RIN3: variants seen among roughly 807,000 people sequenced by gnomAD.
RIN3 encodes RAB5 interacting protein 3.
RIN3 carries 54 observed loss-of-function variants against 76.3 expected under a neutral mutation model. That is an observed-to-expected ratio of 0.71 (90% confidence interval 0.57 to 0.89). The LOEUF (loss-of-function observed/expected upper bound fraction) is 0.89, where lower values mean the gene tolerates loss of function less well. Ranked by LOEUF, RIN3 falls within the 40% of genes least tolerant of loss-of-function variation. The probability of loss-of-function intolerance (pLI) is 0.00; values close to 1 mark genes in which losing one functional copy is unlikely to be tolerated. For missense variants in RIN3, 1,256 were observed against 1,322.1 expected, an observed-to-expected ratio of 0.95 and a Z score of 0.78; for synonymous variants, 576 against 564.0, an observed-to-expected ratio of 1.02 and a Z score of -0.30.
At chr14:92,605,323 G>A (rs1042598046) in intron 3 of RIN3, among the ~76,000 whole-genome samples, 7 of 152,178 alleles carry the variant, frequency 4.6e-5, no homozygotes, top group African/African-American at 1.7e-4. Flanking sequence ...CCCTTCAAAT[G>A]GGGGTCAGAA....
intron 7 of RIN3, among the ~76,000 whole-genome samples, chr14:92,663,815 C>T (rs959477543): frequency 1.3e-5 from 2 of 152,180 alleles, no homozygotes; most frequent in African/African-American, 2.4e-5. Flanking sequence ...ACATTAATCT[C>T]CCTGGACCTT....
intron 4 of RIN3, among the ~76,000 whole-genome samples, chr14:92,633,855 TG>T (rs1555389920): frequency 0.14 from 9,441 of 66,116 alleles, 402 homozygotes; most frequent in Non-Finnish European, 0.19. Context: ...TTTGTTTTAG[TG>T]GTGTGTGTGT....
intron 5 of RIN3, among the ~76,000 whole-genome samples, chr14:92,650,104 G>A (rs1384440919): frequency 6.6e-6 from 1 of 152,224 alleles, no homozygotes; most frequent in Non-Finnish European, 1.5e-5. Context: ...AACATCAAGA[G>A]CCTGTTGTGT....
rs180800134 is a variant in RIN3 at position 92,576,678 on chromosome 14, C to T, written c.250-682C>T. ...TCATCACACCAGCTGGAGGAGGGGA[C>T]GTCCTGTTATAATCAGAGAGTACCT... On this transcript the variant is annotated intron_variant, in intron 2 of 9. Coordinates refer to ENST00000216487, the MANE Select transcript of RIN3 (RefSeq NM_024832.5). Among the ~76,000 whole-genome samples, 16 of 152,240 alleles carry T rather than the reference C, an allele frequency of 1.1e-4. 1 individual carries two copies. The highest frequency in any genetic ancestry group is 1.3e-4 in the Non-Finnish European group (9 of 68,016).
At chr14:92,582,812 TA>T (rs1839611327) in intron 3 of RIN3, among the ~76,000 whole-genome samples, 2 of 152,164 alleles carry the variant, frequency 1.3e-5, no homozygotes, top group African/African-American at 4.8e-5. Flanking sequence ...GGTCAGCCAC[TA>T]GCATGCACCC....
At chr14:92,564,775 C>A (rs960595340) in intron 2 of RIN3, among the ~76,000 whole-genome samples, 1 of 152,114 alleles carries the variant, frequency 6.6e-6, no homozygotes, top group Non-Finnish European at 1.5e-5. Context: ...TCTGAGGGTC[C>A]CTAATGCAAT....
chr14:92,596,800 A>G (rs779422941), intron 3 of RIN3, among the ~76,000 whole-genome samples: 14 of 152,134 alleles, frequency 9.2e-5, no homozygotes, highest in Non-Finnish European at 1.8e-4. Flanking sequence ...GGGTCACTCA[A>G]CTTCCAGGTC....
At chr14:92,587,617 C>A (rs1371331370) in intron 3 of RIN3, among the ~76,000 whole-genome samples, 3 of 151,562 alleles carry the variant, frequency 2.0e-5, no homozygotes, top group Non-Finnish European at 4.4e-5. Context: ...CCTTCAGGGG[C>A]CTTGCAGCTT....
intron 1 of RIN3, among the ~76,000 whole-genome samples, chr14:92,527,699 C>A (rs59378977): frequency 0.075 from 11,339 of 152,114 alleles, 1,419 homozygotes; most frequent in African/African-American, 0.26. Context: ...CCCCGCGTTT[C>A]TGCTTCGTCC....
At chr14:92,606,503 C>T (rs187002894) in intron 3 of RIN3, among the ~76,000 whole-genome samples, 8 of 152,100 alleles carry the variant, frequency 5.3e-5, no homozygotes, top group African/African-American at 9.7e-5. Context: ...CATGATCACA[C>T]CACTGCATTC....
intron 3 of RIN3, among the ~76,000 whole-genome samples, chr14:92,603,255 A>C (rs1325668311): frequency 6.6e-6 from 1 of 152,216 alleles, no homozygotes; most frequent in Non-Finnish European, 1.5e-5. Flanking sequence ...CATCAGTAAC[A>C]GCCAGCAAAA....
chr14:92,672,588 C>T (rs867707342), intron 7 of RIN3, among the ~76,000 whole-genome samples: 1 of 152,002 alleles, frequency 6.6e-6, no homozygotes, highest in African/African-American at 2.4e-5. Context: ...AGACACTTGC[C>T]TTAGGGGCAA....
chr14:92,534,721 G>A (rs1371981485), intron 1 of RIN3, among the ~76,000 whole-genome samples: 1 of 152,134 alleles, frequency 6.6e-6, no homozygotes, highest in Admixed American at 6.5e-5. Flanking sequence ...CAGCCAGGCA[G>A]GGGGTCTCTG....
At chr14:92,586,023 C>T (rs1441152351) in intron 3 of RIN3, among the ~76,000 whole-genome samples, 2 of 152,176 alleles carry the variant, frequency 1.3e-5, no homozygotes, top group Non-Finnish European at 2.9e-5. Flanking sequence ...TTCTCTGTCA[C>T]CTTGTGACAT....
intron 1 of RIN3, among the ~76,000 whole-genome samples, chr14:92,526,595 A>G (rs913996616): frequency 6.8e-6 from 1 of 146,766 alleles, no homozygotes; most frequent in Admixed American, 6.8e-5. Flanking sequence ...TCTACTAAAA[A>G]TACAAAAATT....
intron 4 of RIN3, among the ~76,000 whole-genome samples, chr14:92,638,683 G>C (rs1886866253): frequency 6.6e-6 from 1 of 152,212 alleles, no homozygotes; most frequent in South Asian, 2.1e-4. Context: ...TGGGGTTAGT[G>C]GTGGTGGGGC....
chr14:92,593,179 T>A (rs990971127), intron 3 of RIN3, among the ~76,000 whole-genome samples: 3 of 151,542 alleles, frequency 2.0e-5, no homozygotes, highest in African/African-American at 4.9e-5. Context: ...AGAAGTATAA[T>A]AAAGGAGAGA....
At chr14:92,553,992 C>T (rs1261982932) in intron 1 of RIN3, among the ~76,000 whole-genome samples, 1 of 152,158 alleles carries the variant, frequency 6.6e-6, no homozygotes, top group East Asian at 1.9e-4. Context: ...CCTTACAGCA[C>T]ATGCCCTGGA....
At chr14:92,529,685 G>A (rs1896834081) in intron 1 of RIN3, among the ~76,000 whole-genome samples, 1 of 152,200 alleles carries the variant, frequency 6.6e-6, no homozygotes, top group Admixed American at 6.5e-5. Flanking sequence ...GCAAACAAGT[G>A]TCCTTGTCGA....
Sources: allele counts gnomAD v4.1 joint callset (sites outside exome capture counted in the v4.1 genomes callset), GRCh38; gene constraint gnomAD v4.1.1; transcripts MANE v1.5; gene names NCBI Gene and HGNC (gene_info 2026-07-23, HGNC 2026-07-21).